Variants in IGSF21 observed in about 807,000 individuals in gnomAD.
IGSF21 encodes the protein immunoglobin superfamily member 21.
Under a neutral mutation model 46.8 loss-of-function variants are expected in IGSF21, and 28 were observed. That is an observed-to-expected ratio of 0.60 (90% CI 0.44 to 0.82). IGSF21 has a LOEUF of 0.82. Ranked by LOEUF, IGSF21 falls within the 40% of genes least tolerant of loss-of-function variation. The pLI, the probability that IGSF21 is intolerant of heterozygous loss-of-function variation, is 0.00. For missense variants in IGSF21, 624 were observed against 665.5 expected (o/e 0.94, Z 0.69); for synonymous variants, 284 against 273.6 (o/e 1.04, Z -0.38).
At chr1:18,128,863 C>A (rs2086295400) in intron 1 of IGSF21, among the ~76,000 whole-genome samples, 1 of 152,056 alleles carries the variant, frequency 6.6e-6, no homozygotes, top group Non-Finnish European at 1.5e-5. Flanking sequence ...GCCCACCCCT[C>A]ACCTCCTTTT....
At chr1:18,336,855 C>T (rs183062952) in intron 4 of IGSF21, among the ~76,000 whole-genome samples, 132 of 152,280 alleles carry the variant, frequency 8.7e-4, no homozygotes, top group Non-Finnish European at 1.5e-3. Context: ...GCCTCACAAT[C>T]GCGGTGGAAG....
intron 1 of IGSF21, among the ~76,000 whole-genome samples, chr1:18,117,047 G>A (rs1352674918): frequency 1.3e-5 from 2 of 152,172 alleles, no homozygotes; most frequent in Non-Finnish European, 2.9e-5. Flanking sequence ...TGGGCTGAGG[G>A]GAATGGTTTA....
intron 1 of IGSF21, among the ~76,000 whole-genome samples, chr1:18,169,634 A>G (rs990942333): frequency 6.6e-6 from 1 of 152,216 alleles, no homozygotes; most frequent in Non-Finnish European, 1.5e-5. Flanking sequence ...CCCCCAGCCC[A>G]GGGTAGGGAG....
At chr1:18,300,674 C>T (rs999830166) in intron 3 of IGSF21, among the ~76,000 whole-genome samples, 1 of 152,232 alleles carries the variant, frequency 6.6e-6, no homozygotes, top group African/African-American at 2.4e-5. Context: ...GCCTTGCCTG[C>T]AGGCCAAAGG....
At chr1:18,369,125 C>G (rs2086199954) in intron 6 of IGSF21, among the ~76,000 whole-genome samples, 1 of 152,132 alleles carries the variant, frequency 6.6e-6, no homozygotes, top group African/African-American at 2.4e-5. Context: ...GCATGGGGGA[C>G]ACAGCAGGGC....
intron 2 of IGSF21, among the ~76,000 whole-genome samples, chr1:18,252,324 C>T (rs1324144911): frequency 6.6e-6 from 1 of 152,096 alleles, no homozygotes; most frequent in East Asian, 1.9e-4. Context: ...GCTGGGATTA[C>T]AGACATGAGC....
At chr1:18,341,689 G>A (rs2085843387) in intron 4 of IGSF21, among the ~76,000 whole-genome samples, 1 of 152,196 alleles carries the variant, frequency 6.6e-6, no homozygotes, top group Admixed American at 6.5e-5. Context: ...CAGCCAGTGT[G>A]TGGCAGGGCA....
intron 1 of IGSF21, among the ~76,000 whole-genome samples, chr1:18,195,768 C>T (rs543506734): frequency 6.6e-6 from 1 of 152,296 alleles, no homozygotes; most frequent in East Asian, 1.9e-4. Context: ...ATTATGTGTT[C>T]AAAGCAGAAA....
intron 3 of IGSF21, among the ~76,000 whole-genome samples, chr1:18,312,239 T>C (rs1335464784): frequency 1.3e-5 from 2 of 152,176 alleles, no homozygotes; most frequent in Non-Finnish European, 2.9e-5. Flanking sequence ...ATGAATGAAT[T>C]AAATGAATCC....
At chr1:18,343,117 A>G (rs567583224) in intron 4 of IGSF21, among the ~76,000 whole-genome samples, 1 of 152,242 alleles carries the variant, frequency 6.6e-6, no homozygotes, top group East Asian at 1.9e-4. Flanking sequence ...TCTCTTTTTG[A>G]ATATAGCCAT....
At chr1:18,374,849 C>T (rs191054859) in intron 6 of IGSF21, among the ~76,000 whole-genome samples, 157 of 152,244 alleles carry the variant, frequency 1.0e-3, no homozygotes, top group African/African-American at 3.5e-3. Context: ...TCAGGACAAA[C>T]CTTTTCCACC....
At chr1:18,190,036 C>T (rs763969915) in intron 1 of IGSF21, among the ~76,000 whole-genome samples, 2 of 152,200 alleles carry the variant, frequency 1.3e-5, no homozygotes, top group Non-Finnish European at 2.9e-5. Flanking sequence ...GTGGGCCACC[C>T]TCAGCCCTCT....
chr1:18,188,405 A>T (rs1314360231), intron 1 of IGSF21, among the ~76,000 whole-genome samples: 2 of 152,186 alleles, frequency 1.3e-5, no homozygotes, highest in Non-Finnish European at 2.9e-5. Flanking sequence ...ATGCCAGTAA[A>T]ATATGGCCTT....
rs568184452 is a variant in IGSF21, at chr1:18,129,053, T to A, written c.70+20855T>A. Among the ~76,000 whole-genome samples the A allele has an allele frequency of 4.6e-5, 7 of 152,158 alleles. No homozygotes were observed. In the South Asian group the frequency reaches 1.5e-3, roughly 32 times the overall value. On this transcript the variant is annotated intron_variant, in intron 1 of 9. Coordinates refer to ENST00000251296, the MANE Select transcript of IGSF21 (RefSeq NM_032880.5). Reference sequence around the variant, plus strand: ...CAGCAGTGGGGAGATGGATAGAGATTAAGGTGGCGGTCCGTGCATCCGTTT... The same window carrying A: ...CAGCAGTGGGGAGATGGATAGAGATAAAGGTGGCGGTCCGTGCATCCGTTT...
At chr1:18,200,178 A>G (rs2087057119) in intron 1 of IGSF21, among the ~76,000 whole-genome samples, 1 of 152,212 alleles carries the variant, frequency 6.6e-6, no homozygotes, top group Admixed American at 6.5e-5. Flanking sequence ...CATTCTCTGC[A>G]TCTTGGTCAC....
chr1:18,154,279 T>C (rs1243631723), intron 1 of IGSF21, among the ~76,000 whole-genome samples: 1 of 152,096 alleles, frequency 6.6e-6, no homozygotes, highest in Non-Finnish European at 1.5e-5. Context: ...TTGATTTGAG[T>C]GCTTTTCTCT....
At chr1:18,174,051 G>A (rs2086770597) in intron 1 of IGSF21, among the ~76,000 whole-genome samples, 3 of 152,304 alleles carry the variant, frequency 2.0e-5, no homozygotes, top group Admixed American at 2.0e-4. Flanking sequence ...ACCGCGCCTG[G>A]CCTCTTTGAA....
chr1:18,236,662 A>G (rs911628847), intron 2 of IGSF21, among the ~76,000 whole-genome samples: 1 of 152,214 alleles, frequency 6.6e-6, no homozygotes, highest in Non-Finnish European at 1.5e-5. Context: ...ATATTTAGAG[A>G]TAGAAAAGTA....
At chr1:18,350,891 G>C (rs1448580222) in intron 4 of IGSF21, among the ~76,000 whole-genome samples, 2 of 152,188 alleles carry the variant, frequency 1.3e-5, no homozygotes, top group Non-Finnish European at 2.9e-5. Flanking sequence ...GAGTGCGGTG[G>C]GGGGTAGGGG....
Sources: allele counts gnomAD v4.1 joint callset (sites outside exome capture counted in the v4.1 genomes callset), GRCh38; gene constraint gnomAD v4.1.1; transcripts MANE v1.5; gene names NCBI Gene and HGNC (gene_info 2026-07-23, HGNC 2026-07-21).